Variants in SORL1 observed in about 807,000 individuals in gnomAD.
SORL1 encodes sortilin-related receptor.
Under a neutral mutation model 273.7 loss-of-function variants are expected in SORL1, and 127 were observed. The observed-to-expected ratio is 0.46, with a 90% confidence interval of 0.40 to 0.54. The LOEUF (loss-of-function observed/expected upper bound fraction) is 0.54. Among genes scored for constraint, SORL1 ranks in the 20% least tolerant of loss-of-function variants. The probability of loss-of-function intolerance (pLI) is 0.00; values close to 1 mark genes in which losing one functional copy is unlikely to be tolerated. For missense variants in SORL1, 2,494 were observed against 2,846.1 expected, an observed-to-expected ratio of 0.88 and a Z score of 2.81; for synonymous variants, 1,031 against 1,067.4, an observed-to-expected ratio of 0.97 and a Z score of 0.66.
chr11:121,501,805 A>G (rs1430969108), intron 6 of SORL1, among the ~76,000 whole-genome samples: 1 of 152,168 alleles, frequency 6.6e-6, no homozygotes, highest in Admixed American at 6.5e-5. Flanking sequence ...TCAAGATGAG[A>G]TTTGGGTGGG....
chr11:121,537,191 T>C (rs1201016373), intron 12 of SORL1, among the ~76,000 whole-genome samples: 2 of 152,208 alleles, frequency 1.3e-5, no homozygotes, highest in African/African-American at 4.8e-5. Flanking sequence ...AAGGTATCTA[T>C]GTAGAGGCCA....
chr11:121,496,702 C>A (rs1861634306), intron 5 of SORL1, among the ~76,000 whole-genome samples, 167 bp from the exon 6 acceptor site: 1 of 152,200 alleles, frequency 6.6e-6, no homozygotes, highest in Non-Finnish European at 1.5e-5. Context: ...CCCCTCTATC[C>A]TGAGTCAAGG....
intron 3 of SORL1, among the ~76,000 whole-genome samples, chr11:121,484,050 G>A (rs1591559638): frequency 2.0e-5 from 3 of 152,148 alleles, no homozygotes; most frequent in East Asian, 1.9e-4. Context: ...TTTTGGTGGT[G>A]GAGAGCTTGT....
chr11:121,621,075 T>C lies in SORL1; in HGVS notation c.5901T>C (p.Val1967=). 1 of 1,608,772 alleles carries C rather than the reference T, an allele frequency of 6.2e-7. No individual in the cohort carries two copies. The highest frequency in any genetic ancestry group is 8.5e-7 in the Non-Finnish European group (1 of 1,177,204). ...DSPDQDLLYA[V]AVKDLIRKTD... ...TTTTTTGGTCCTAGTTGTATGCAGT[T>C]GCAGTCAAAGATCTCATAAGAAAGA... The change falls in exon 44 of 48, where the codon GTT becomes GTC. Residue 1967 remains valine, a synonymous_variant. Transcript: ENST00000260197.
At chr11:121,491,541 A>C (rs916359574) in intron 5 of SORL1, among the ~76,000 whole-genome samples, 1 of 152,156 alleles carries the variant, frequency 6.6e-6, no homozygotes, top group African/African-American at 2.4e-5. Flanking sequence ...CTTGATCTTC[A>C]CCACCCCAAA....
At chr11:121,470,862 A>T (rs1288169546) in intron 2 of SORL1, among the ~76,000 whole-genome samples, 1 of 151,878 alleles carries the variant, frequency 6.6e-6, no homozygotes. Context: ...GCTTATATAT[A>T]TTTTTTGGTA....
chr11:121,570,953 G>A (rs774253724), intron 23 of SORL1, among the ~76,000 whole-genome samples: 11 of 152,062 alleles, frequency 7.2e-5, no homozygotes, highest in Non-Finnish European at 1.5e-4. Flanking sequence ...TAATAGCTTC[G>A]ACATTATCTT....
Position 121,513,017 on chromosome 11 carries a change from T to C in SORL1, c.954T>C (p.Ser318=), listed in dbSNP as rs909284892. ...FATKVVHLLG[S]EQQSSVQLWV... ...TTCCTTGGCAGCATCTCTTGGGCAG[T>C]GAACAGCAGTCTTCTGTCCAGCTCT... Residue 318 remains serine, a synonymous_variant, in exon 7 of 48, where the codon AGT becomes AGC. Transcript: ENST00000260197. 2.5e-6 allele frequency: 4 copies of C among 1,613,870 alleles called. No individual in the cohort carries two copies. Among genetic ancestry groups the C allele is most frequent in the Non-Finnish European group, 3.4e-6 (4 of 1,179,846 alleles).
intron 8 of SORL1, 101 bp downstream of exon 8, chr11:121,514,422 CA>C (rs1179357751): frequency 8.2e-7 from 1 of 1,220,912 alleles, no homozygotes; most frequent in Non-Finnish European, 1.1e-6. Flanking sequence ...CATGTGGATA[CA>C]CCCGGGGAGC....
At position 121,523,347 on chromosome 11, in the gene SORL1, G is replaced by A. The variant is rs189793614; in HGVS notation, c.1596+358G>A. On this transcript the variant is annotated intron_variant, in intron 11 of 47. Transcript: ENST00000260197. Reference sequence around the variant, plus strand: ...GCTGCATGTATCAGCAAATTATAGCGTAGTGGTATTAGCCCTGAAATGGGC... The same window carrying A: ...GCTGCATGTATCAGCAAATTATAGCATAGTGGTATTAGCCCTGAAATGGGC... Among the ~76,000 whole-genome samples the A allele has an allele frequency of 3.3e-4, 50 of 152,208 alleles. 2 individuals are homozygous for A. In the South Asian group the frequency reaches 9.3e-3, roughly 28 times the overall value.
intron 31 of SORL1, among the ~76,000 whole-genome samples, chr11:121,592,691 G>A (rs1591343163): frequency 6.6e-6 from 1 of 152,216 alleles, no homozygotes; most frequent in Admixed American, 6.5e-5. Flanking sequence ...CCTGCTCTGT[G>A]TCTCCTACAA....
chr11:121,590,829 A>G (rs1389208366), intron 30 of SORL1, 172 bp from the exon 31 acceptor site: 2 of 785,766 alleles, frequency 2.5e-6, no homozygotes, highest in East Asian at 2.4e-5. Flanking sequence ...TCTTCTGACA[A>G]CCCATTATAC....
intron 9 of SORL1, among the ~76,000 whole-genome samples, chr11:121,521,741 CT>C (rs1188690107): frequency 6.6e-6 from 1 of 152,204 alleles, no homozygotes. Flanking sequence ...CAAACTGAGA[CT>C]CTAGCAAGAC....
At chr11:121,583,354 C>A (rs1863039921) in intron 25 of SORL1, 104 bp from the exon 26 acceptor site, 1 of 1,369,400 alleles carries the variant, frequency 7.3e-7, no homozygotes, top group Non-Finnish European at 9.8e-7. Context: ...CAGTTCAGAC[C>A]TTATTCCTAC....
In SORL1 at chr11:121,591,134, C is replaced by A. The variant is rs372549539; in HGVS notation, c.4347C>A (p.Asp1449Glu). The change falls in exon 31 of 48, where the codon GAC (aspartate) becomes GAA (glutamate). Residue 1449 changes from aspartate (D) to glutamate (E), a missense_variant. Physicochemically the swap from Asp to Glu is conservative, Grantham distance 45. This residue lies in a region of SORL1 where 1,609 missense variants were observed against 1,816.4 expected (regional missense o/e 0.89). Coordinates refer to ENST00000260197, the MANE Select transcript of SORL1 (RefSeq NM_003105.6). ...ACCGAGATTGTGCAGATGGCTCTGA[C>A]GAGGAAGCCTGCCCCTTGCTTGGTG... ...DGYRDCADGSDEEACPLLANV... is the reference protein window; with the variant it reads ...DGYRDCADGSEEEACPLLANV... The A allele has an allele frequency of 1.9e-6, 3 of 1,614,046 alleles. No homozygotes were observed. The African/African-American group carries it at 4.0e-5, about 22-fold the overall frequency.
At chr11:121,564,200 C>T (rs1862720057) in intron 21 of SORL1, among the ~76,000 whole-genome samples, 1 of 152,218 alleles carries the variant, frequency 6.6e-6, no homozygotes, top group South Asian at 2.1e-4. Flanking sequence ...GAACTGCCAT[C>T]ATAGGAGTTG....
chr11:121,534,057 A>G (rs1050473199), intron 12 of SORL1, among the ~76,000 whole-genome samples: 2 of 152,236 alleles, frequency 1.3e-5, no homozygotes, highest in African/African-American at 4.8e-5. Flanking sequence ...GATGCTGTGT[A>G]TCTGTAGATG....
chr11:121,582,295 C>T (rs1448971756), intron 25 of SORL1, among the ~76,000 whole-genome samples: 1 of 152,254 alleles, frequency 6.6e-6, no homozygotes, highest in African/African-American at 2.4e-5. Context: ...CCAACTGTCT[C>T]AGTTGAATAG....
At chr11:121,562,086 C>G (rs1019946664) in intron 21 of SORL1, among the ~76,000 whole-genome samples, 2 of 152,100 alleles carry the variant, frequency 1.3e-5, no homozygotes, top group African/African-American at 2.4e-5. Flanking sequence ...CATTGTATTA[C>G]AGATCCACGG....
Sources: gnomAD v4.1 joint callset for allele counts (sites outside exome capture counted in the v4.1 genomes callset) on GRCh38, gnomAD v4.1.1 for gene constraint, gnomAD v4.1.1 regional missense constraint, MANE v1.5 for transcripts, NCBI Gene and HGNC (gene_info 2026-07-23, HGNC 2026-07-21) for gene names.